The following CFDP1 variants were observed in gnomAD, a reference collection of about 807,000 sequenced individuals.
CFDP1 encodes the protein chromatin remodeling protein CFDP1, also known as heterochromatin-stabilizing protein CFDP1.
CFDP1 carries 31 observed loss-of-function variants against 40.1 expected under a neutral mutation model. The ratio of observed to expected loss-of-function variants is 0.77; its 90% CI spans 0.58 to 1.04. The LOEUF (loss-of-function observed/expected upper bound fraction) is 1.04, where lower values mean the gene tolerates loss of function less well. CFDP1 is among the 50% of genes least tolerant of loss of function. The pLI, the probability that CFDP1 is intolerant of heterozygous loss-of-function variation, is 0.00. For missense variants in CFDP1, 423 were observed against 343.4 expected, an observed-to-expected ratio of 1.23 and a Z score of -1.83; for synonymous variants, 167 against 120.0, an observed-to-expected ratio of 1.39 and a Z score of -2.56.
At chr16:75,375,860 T>A (rs575009294) in intron 5 of CFDP1, among the ~76,000 whole-genome samples, 108 of 151,690 alleles carry the variant, frequency 7.1e-4, no homozygotes, top group African/African-American at 2.5e-3. Context: ...AGAACCCTCA[T>A]ACATCACTGG....
intron 1 of CFDP1, among the ~76,000 whole-genome samples, chr16:75,415,875 C>T (rs1358299298): frequency 3.3e-5 from 5 of 152,072 alleles, no homozygotes; most frequent in Admixed American, 2.0e-4. Flanking sequence ...TTTATTGAGA[C>T]GGAGTCTTGC....
chr16:75,308,308 T>C (rs1463000833), intron 5 of CFDP1, among the ~76,000 whole-genome samples: 2 of 152,196 alleles, frequency 1.3e-5, no homozygotes, highest in African/African-American at 2.4e-5. Context: ...TACTCTTATA[T>C]TGACTTTTCC....
At chr16:75,424,091 T>C (rs542978157) in intron 1 of CFDP1, among the ~76,000 whole-genome samples, 2 of 152,078 alleles carry the variant, frequency 1.3e-5, no homozygotes, top group South Asian at 2.1e-4. Context: ...ATTAAATCAA[T>C]AGATGGAGAA....
intron 1 of CFDP1, among the ~76,000 whole-genome samples, chr16:75,427,856 G>A (rs2079358776): frequency 6.6e-6 from 1 of 152,212 alleles, no homozygotes; most frequent in Non-Finnish European, 1.5e-5. Context: ...TCTTTCAAAT[G>A]CAGAATAAAC....
chr16:75,316,836 G>A (rs546938043), intron 5 of CFDP1, among the ~76,000 whole-genome samples: 125 of 152,084 alleles, frequency 8.2e-4, no homozygotes, highest in South Asian at 2.1e-3. Context: ...GGGCGTGGAG[G>A]CGCATGCCTG....
intron 5 of CFDP1, among the ~76,000 whole-genome samples, chr16:75,337,107 C>G (rs1208056252): frequency 6.6e-6 from 1 of 152,152 alleles, no homozygotes; most frequent in Non-Finnish European, 1.5e-5. Context: ...TTGTTCTAAG[C>G]CTTTGAAGGA....
chr16:75,393,660 A>G (rs2078970927), intron 5 of CFDP1, among the ~76,000 whole-genome samples: 2 of 139,794 alleles, frequency 1.4e-5, no homozygotes, highest in East Asian at 2.2e-4. Context: ...GAACCCGGGA[A>G]GCGGAGCTTG....
At chr16:75,358,914 A>G (rs1006017025) in intron 5 of CFDP1, among the ~76,000 whole-genome samples, 18 of 152,206 alleles carry the variant, frequency 1.2e-4, no homozygotes, top group Non-Finnish European at 2.6e-4. Flanking sequence ...CAACGTTAGA[A>G]GAGCTGTATA....
chr16:75,318,430 A>G lies in CFDP1; in HGVS notation c.651-13248T>C, dbSNP rs557548114. 3.9e-4 allele frequency among the ~76,000 whole-genome samples: 53 copies of G among 137,244 alleles called. 1 individual carries two copies. The highest frequency in any genetic ancestry group is 9.6e-3 in the Middle Eastern group (2 of 208). The allele number at this position is 137,244 out of a possible 152,430, so 90.0% of individuals were successfully genotyped here. On this transcript the variant is annotated intron_variant, in intron 5 of 6. Transcript: ENST00000283882. ...TTTCTTTTTTTTTTTTTTTGAGATG[A>G]AGTCTCACTCTGTCGCCCAGGCTGG...
At chr16:75,323,116 T>C (rs115266950) in intron 5 of CFDP1, among the ~76,000 whole-genome samples, 85 of 152,244 alleles carry the variant, frequency 5.6e-4, no homozygotes, top group African/African-American at 2.0e-3. Flanking sequence ...TGTTTTTTAG[T>C]AATGCTTAGC....
At chr16:75,306,185 GATA>G (rs1407813801) in intron 5 of CFDP1, among the ~76,000 whole-genome samples, 2 of 152,176 alleles carry the variant, frequency 1.3e-5, no homozygotes, top group East Asian at 3.8e-4. Context: ...ATGGTCTACT[GATA>G]ATAATACCTT....
intron 1 of CFDP1, among the ~76,000 whole-genome samples, chr16:75,431,364 G>C (rs148634346): frequency 7.1e-6 from 1 of 140,244 alleles, no homozygotes; most frequent in Non-Finnish European, 1.5e-5. Flanking sequence ...TGAGGCAAGA[G>C]AATGGCGTGA....
chr16:75,363,343 C>T (rs984588123), intron 5 of CFDP1, among the ~76,000 whole-genome samples: 1 of 150,470 alleles, frequency 6.6e-6, no homozygotes, highest in Admixed American at 6.6e-5. Context: ...ACTTACTGCT[C>T]ATCTAGTGCA....
At chr16:75,347,371 G>T (rs1042617559) in intron 5 of CFDP1, among the ~76,000 whole-genome samples, 2 of 124,774 alleles carry the variant, frequency 1.6e-5, no homozygotes, top group East Asian at 4.7e-4. Flanking sequence ...AAAAGAAAAA[G>T]AAAAAGAAAA....
intron 5 of CFDP1, among the ~76,000 whole-genome samples, chr16:75,318,909 T>C (rs1054627988): frequency 6.6e-6 from 1 of 152,164 alleles, no homozygotes; most frequent in Admixed American, 6.5e-5. Flanking sequence ...ATTCCTTACA[T>C]CATAGACACC....
intron 1 of CFDP1, among the ~76,000 whole-genome samples, chr16:75,424,810 A>G (rs555122048): frequency 6.6e-6 from 1 of 152,252 alleles, no homozygotes; most frequent in East Asian, 1.9e-4. Context: ...TCTCACCACT[A>G]GCATTCAACA....
intron 5 of CFDP1, among the ~76,000 whole-genome samples, chr16:75,374,608 G>A (rs898948518): frequency 2.0e-5 from 3 of 151,906 alleles, no homozygotes; most frequent in South Asian, 2.1e-4. Context: ...GTTGATCCCC[G>A]GAGTTTGAGA....
At chr16:75,415,211 A>G (rs1449433381) in intron 1 of CFDP1, among the ~76,000 whole-genome samples, 1 of 152,244 alleles carries the variant, frequency 6.6e-6, no homozygotes, top group East Asian at 1.9e-4. Flanking sequence ...AAGAACAAAC[A>G]CACCCATGTC....
rs1423556556 is a variant in CFDP1 at position 75,363,726 on chromosome 16, G to GT, written c.650+31363dup. On this transcript the variant is annotated intron_variant, in intron 5 of 6. Coordinates refer to ENST00000283882, the MANE Select transcript of CFDP1 (RefSeq NM_006324.3). ...GCATTTTATCTATGCAAAAAAAGGT[G>GT]TTTGGTCAAGAACTGTCTTCTGGCA... Among the ~76,000 whole-genome samples the GT allele has an allele frequency of 2.0e-5, 3 of 152,066 alleles. No individual in the cohort carries two copies. In the South Asian group the frequency reaches 6.2e-4, roughly 32 times the overall value.
Sources: allele counts gnomAD v4.1 joint callset (sites outside exome capture counted in the v4.1 genomes callset), GRCh38; gene constraint gnomAD v4.1.1; transcripts MANE v1.5; gene names NCBI Gene and HGNC (gene_info 2026-07-23, HGNC 2026-07-21).